RABGAP1L: variants seen among roughly 807,000 people sequenced by gnomAD.
RABGAP1L encodes rab GTPase-activating protein 1-like.
RABGAP1L carries 63 observed loss-of-function variants against 137.7 expected under a neutral mutation model. That is an observed-to-expected ratio of 0.46 (90% CI 0.37 to 0.56). The LOEUF (loss-of-function observed/expected upper bound fraction) is 0.56, where lower values mean the gene tolerates loss of function less well. RABGAP1L is among the 20% of genes least tolerant of loss of function. The pLI is 0.00. For synonymous variants in RABGAP1L, 431 were observed against 433.7 expected (o/e 0.99, Z 0.08); for missense variants, 1,095 against 1,244.0 (o/e 0.88, Z 1.80).
chr1:174,634,910 C>A (rs1673821447), intron 13 of RABGAP1L, among the ~76,000 whole-genome samples: 1 of 140,490 alleles, frequency 7.1e-6, no homozygotes, highest in African/African-American at 2.7e-5. Context: ...GGAGGGATAG[C>A]ATTGGGAGAT....
chr1:174,423,667 T>C (rs1186543999), intron 13 of RABGAP1L, among the ~76,000 whole-genome samples: 1 of 152,158 alleles, frequency 6.6e-6, no homozygotes, highest in East Asian at 1.9e-4. Flanking sequence ...TAAACCCTTT[T>C]GGAGGTCTTT....
At chr1:174,951,272 G>T (rs2149324729) in intron 19 of RABGAP1L, among the ~76,000 whole-genome samples, 1 of 152,350 alleles carries the variant, frequency 6.6e-6, no homozygotes, top group Middle Eastern at 3.4e-3. Context: ...GTCCCAGGCA[G>T]TAGAGCAAAG....
At chr1:174,742,275 T>TAAA (rs1683503836) in intron 17 of RABGAP1L, among the ~76,000 whole-genome samples, 1 of 121,826 alleles carries the variant, frequency 8.2e-6, no homozygotes, top group Non-Finnish European at 1.6e-5. Flanking sequence ...CCCAGCACTT[T>TAAA]AGGAGGCCAA....
intron 5 of RABGAP1L, chr1:174,244,761 A>G (rs894354846): frequency 6.6e-6 from 1 of 152,228 alleles, no homozygotes; most frequent in African/African-American, 2.4e-5. Flanking sequence ...GATATATTAT[A>G]TAAAACTTTC....
At chr1:174,712,666 C>T (rs1246711328) in intron 17 of RABGAP1L, among the ~76,000 whole-genome samples, 1 of 152,222 alleles carries the variant, frequency 6.6e-6, no homozygotes, top group Non-Finnish European at 1.5e-5. Flanking sequence ...AGTCAGGCTG[C>T]CCAGCAGTAG....
At chr1:174,622,038 G>A (rs1312582139) in intron 13 of RABGAP1L, among the ~76,000 whole-genome samples, 1 of 152,178 alleles carries the variant, frequency 6.6e-6, no homozygotes, top group Non-Finnish European at 1.5e-5. Context: ...CAAAGAGTGG[G>A]CGAAGGATAT....
At chr1:174,175,277 A>G (rs1281930693) in intron 1 of RABGAP1L, among the ~76,000 whole-genome samples, 1 of 152,188 alleles carries the variant, frequency 6.6e-6, no homozygotes, top group Non-Finnish European at 1.5e-5. Context: ...GAATTTTTAG[A>G]GAGCATGAAC....
At chr1:174,384,342 G>A (rs1686546786) in intron 12 of RABGAP1L, among the ~76,000 whole-genome samples, 1 of 152,024 alleles carries the variant, frequency 6.6e-6, no homozygotes, top group South Asian at 2.1e-4. Context: ...CTTGGTTATG[G>A]TAGTGCTCAC....
chr1:174,301,367 T>C (rs969868173), intron 10 of RABGAP1L, among the ~76,000 whole-genome samples: 1 of 149,336 alleles, frequency 6.7e-6, no homozygotes, highest in Non-Finnish European at 1.5e-5. Context: ...CACCGCCATC[T>C]GGAATGGATG....
chr1:174,507,581 T>C (rs968421515), intron 13 of RABGAP1L, among the ~76,000 whole-genome samples: 1 of 152,124 alleles, frequency 6.6e-6, no homozygotes, highest in African/African-American at 2.4e-5. Flanking sequence ...ATATAGCAAC[T>C]TCTTTTTACC....
At chr1:174,846,745 G>A (rs1199233704) in intron 19 of RABGAP1L, among the ~76,000 whole-genome samples, 1 of 81,386 alleles carries the variant, frequency 1.2e-5, no homozygotes, top group Admixed American at 1.5e-4. Flanking sequence ...TGTTAGGTCC[G>A]CTTGGTGCAG....
At chr1:174,615,997 T>C (rs1223364449) in intron 13 of RABGAP1L, among the ~76,000 whole-genome samples, 1 of 152,230 alleles carries the variant, frequency 6.6e-6, no homozygotes, top group Non-Finnish European at 1.5e-5. Context: ...TTTCTTTGGC[T>C]AGCAAAGGGA....
intron 13 of RABGAP1L, among the ~76,000 whole-genome samples, chr1:174,441,334 A>G (rs1011253769): frequency 2.6e-5 from 4 of 152,170 alleles, no homozygotes; most frequent in Non-Finnish European, 4.4e-5. Flanking sequence ...ATAGGAAACT[A>G]TGTAAATATA....
intron 13 of RABGAP1L, among the ~76,000 whole-genome samples, chr1:174,497,672 T>C (rs1660867426): frequency 6.6e-6 from 1 of 152,204 alleles, no homozygotes; most frequent in Non-Finnish European, 1.5e-5. Context: ...TTTGCCCTTT[T>C]GTCATTGGCA....
At chr1:174,970,999 T>C (rs1046708848) in intron 21 of RABGAP1L, among the ~76,000 whole-genome samples, 11 of 151,860 alleles carry the variant, frequency 7.2e-5, no homozygotes, top group African/African-American at 2.7e-4. Flanking sequence ...CTGGCTGGCA[T>C]TGGGTCATCC....
intron 19 of RABGAP1L, among the ~76,000 whole-genome samples, chr1:174,877,851 T>C (rs767347115): frequency 1.2e-4 from 19 of 152,208 alleles, no homozygotes; most frequent in Non-Finnish European, 2.6e-4. Flanking sequence ...TGTCTTAAGT[T>C]TCTGCCTTGT....
In RABGAP1L at chr1:174,457,689, G is replaced by C. The variant is rs775502782; in HGVS notation, c.1710+63544G>C. On this transcript the variant is annotated intron_variant, in intron 13 of 25. Transcript: ENST00000681986. Reference sequence around the variant, plus strand: ...AGCTAATTTTTGTATTTGTAGTAGAGACAGGGTTTGACCATGTTGGCCAGG... The same window carrying C: ...AGCTAATTTTTGTATTTGTAGTAGACACAGGGTTTGACCATGTTGGCCAGG... Among the ~76,000 whole-genome samples the C allele has an allele frequency of 2.0e-5, 3 of 152,064 alleles. No homozygotes were observed. In the East Asian group the frequency reaches 5.8e-4, roughly 29 times the overall value.
At chr1:174,400,726 G>A (rs891462425) in intron 13 of RABGAP1L, among the ~76,000 whole-genome samples, 1 of 152,012 alleles carries the variant, frequency 6.6e-6, no homozygotes, top group Non-Finnish European at 1.5e-5. Context: ...GGAGGTGGCA[G>A]CCATTAAGAA....
intron 13 of RABGAP1L, among the ~76,000 whole-genome samples, chr1:174,457,227 T>C (rs1255954183): frequency 3.3e-5 from 5 of 152,206 alleles, no homozygotes; most frequent in African/African-American, 4.8e-5. Flanking sequence ...TGAGAAGTTT[T>C]TGAAGTGAAA....
Sources: gnomAD v4.1 joint callset for allele counts (sites outside exome capture counted in the v4.1 genomes callset) on GRCh38, gnomAD v4.1.1 for gene constraint, MANE v1.5 for transcripts, NCBI Gene and HGNC (gene_info 2026-07-23, HGNC 2026-07-21) for gene names.